PMEL: variants seen among roughly 807,000 people sequenced by gnomAD.
PMEL encodes premelanosome protein, also known as melanocyte protein PMEL.
A neutral mutation model predicts 64.9 loss-of-function variants in PMEL; 53 were observed. The ratio of observed to expected loss-of-function variants is 0.82; its 90% CI spans 0.66 to 1.03. PMEL has a LOEUF of 1.03. Ranked by LOEUF, PMEL falls within the 50% of genes least tolerant of loss-of-function variation. The pLI is 0.00. For missense variants in PMEL, 716 were observed against 814.9 expected (o/e 0.88, Z 1.48); for synonymous variants, 299 against 316.2 (o/e 0.95, Z 0.58).
intron 1 of PMEL, among the ~76,000 whole-genome samples, chr12:55,964,263 C>A (rs913488077): frequency 2.6e-5 from 4 of 151,582 alleles, no homozygotes; most frequent in Non-Finnish European, 5.9e-5. Flanking sequence ...CGGGTTCAAG[C>A]GATTCTCCTG....
intron 7 of PMEL, 61 bp from the exon 8 acceptor site, chr12:55,955,924 A>G: frequency 6.9e-7 from 1 of 1,445,902 alleles, no homozygotes; most frequent in Non-Finnish European, 9.7e-7. Flanking sequence ...AAAAGCCCAG[A>G]GACAGAAAAG....
chr12:55,964,254 G>A (rs1287681021), intron 1 of PMEL, among the ~76,000 whole-genome samples: 2 of 151,056 alleles, frequency 1.3e-5, no homozygotes, highest in Non-Finnish European at 2.9e-5. Flanking sequence ...TCCGCCTCCC[G>A]GGTTCAAGCG....
Position 55,955,559 on chromosome 12 carries a change from T to G in PMEL, c.1667A>C (p.Gln556Pro), listed in dbSNP as rs772472625. The G allele has an allele frequency of 1.3e-5, 21 of 1,614,010 alleles. No individual in the cohort carries two copies. Among genetic ancestry groups the G allele is most frequent in the Non-Finnish European group, 1.7e-5 (20 of 1,180,036 alleles). ...PSPACQLVLHQILKGGSGTYC... is the reference protein window; with the variant it reads ...PSPACQLVLHPILKGGSGTYC... ...TGTCCCCGAGCCACCCTTCAGTATC[T>G]GGTGCAGAACCAGCTGGCAGGCTGG... Residue 556 changes from glutamine (Q) to proline (P), a missense_variant, in exon 9 of 11, where the codon CAG (glutamine) becomes CCG (proline). Physicochemically the swap from Gln to Pro is moderately conservative, Grantham distance 76. Coordinates refer to ENST00000548747, the MANE Select transcript of PMEL (RefSeq NM_001384361.1).
Position 55,961,717 on chromosome 12 carries a change from T to A in PMEL, c.92A>T (p.Asp31Val). The A allele has an allele frequency of 6.2e-7, 1 of 1,613,660 alleles. No homozygotes were observed. The highest frequency in any genetic ancestry group is 8.5e-7 in the Non-Finnish European group (1 of 1,179,552). ...GAGTTGCCTTGAGACACCAAGCCAG[T>A]CCTGGTTTCTGGGTACTAAAAGGAA... ...VGATKVPRNQ[D>V]WLGVSRQLRT... is the part of the protein sequence containing the mutation. The change falls in exon 2 of 11, where the codon GAC becomes GTC. Residue 31 changes from aspartate to valine, a missense_variant. Transcript: ENST00000548747.
Position 55,955,561 on chromosome 12 carries a change from G to A in PMEL, c.1665C>T (p.His555=), listed in dbSNP as rs773615814. The change falls in exon 9 of 11, where the codon CAC becomes CAT. Residue 555 remains histidine, a synonymous_variant. Coordinates refer to ENST00000548747, the MANE Select transcript of PMEL (RefSeq NM_001384361.1). The stretch of plus-strand genomic sequence containing the variant: ...TCCCCGAGCCACCCTTCAGTATCTG[G>A]TGCAGAACCAGCTGGCAGGCTGGGC... ...LPSPACQLVL[H]QILKGGSGTY... The A allele has an allele frequency of 1.8e-5, 29 of 1,613,978 alleles. No individual in the cohort carries two copies. The highest frequency in any genetic ancestry group is 2.2e-5 in the Non-Finnish European group (26 of 1,180,026).
chr12:55,965,864 A>G (rs1889279715), intron 1 of PMEL, 72 bp downstream of exon 1: 1 of 1,580,098 alleles, frequency 6.3e-7, no homozygotes, highest in Non-Finnish European at 8.7e-7. Context: ...TCCCATTAGG[A>G]GGACAGAAAC....
At chr12:55,966,065 A>G (rs1179163496), upstream of PMEL, 4 of 1,613,632 alleles carry the variant, frequency 2.5e-6, no homozygotes, top group Non-Finnish European at 3.4e-6. Flanking sequence ...ATAGGCCCCT[A>G]TATAAGAAAA....
Position 55,955,680 on chromosome 12 carries a change from T to C in PMEL, c.1557-11A>G, listed in dbSNP as rs1592765159. ...GCTTCCTTGGGCAGCCTGGAAGAAG[T>C]GTCAGCATATATAAGGGGATCTGGG... On this transcript the variant is annotated splice_polypyrimidine_tract_variant and intron_variant, in intron 8 of 10. Coordinates refer to ENST00000548747, the MANE Select transcript of PMEL (RefSeq NM_001384361.1). The C allele has an allele frequency of 2.5e-6, 4 of 1,612,138 alleles. No individual in the cohort carries two copies. The highest frequency in any genetic ancestry group is 2.5e-6 in the Non-Finnish European group (3 of 1,178,752).
chr12:55,956,098 C>T lies in PMEL; in HGVS notation c.1471+5G>A, dbSNP rs1173828405. 12 of 1,598,832 alleles carry T rather than the reference C, an allele frequency of 7.5e-6. No homozygotes were observed. The highest frequency in any genetic ancestry group is 1.3e-5 in the African/African-American group (1 of 74,734). On this transcript the variant is annotated splice_donor_5th_base_variant and intron_variant, in intron 7 of 10. Coordinates refer to ENST00000548747, the MANE Select transcript of PMEL (RefSeq NM_001384361.1). ...CCATCAGCCACCAAAGTAGGCAAGA[C>T]TCACGGACAATGTCCAGGGTGACGG...
At chr12:55,962,448 CA>C (rs1197796228) in intron 1 of PMEL, among the ~76,000 whole-genome samples, 7,153 of 37,736 alleles carry the variant, frequency 0.19, 21 homozygotes, top group African/African-American at 0.23. Flanking sequence ...GACTCCATCT[CA>C]AAAAAAAAAA....
At chr12:55,963,138 C>T (rs112995459) in intron 1 of PMEL, among the ~76,000 whole-genome samples, 5,787 of 149,888 alleles carry the variant, frequency 0.039, 351 homozygotes, top group African/African-American at 0.13. Context: ...GCCTGGGCTA[C>T]AGAGCAAGAC....
intron 7 of PMEL, 71 bp downstream of exon 7, chr12:55,956,032 T>C: frequency 8.5e-7 from 1 of 1,173,336 alleles, no homozygotes. Flanking sequence ...CCTCCCAAGG[T>C]GTGCTTCCAC....
intron 1 of PMEL, among the ~76,000 whole-genome samples, chr12:55,964,126 G>A (rs1258542452): frequency 6.6e-6 from 1 of 151,656 alleles, no homozygotes; most frequent in South Asian, 2.1e-4. Context: ...AGGACCACAG[G>A]TGCTCACCAC....
chr12:55,955,026 A>G (rs1888800749), intron 10 of PMEL, among the ~76,000 whole-genome samples: 1 of 152,158 alleles, frequency 6.6e-6, no homozygotes, highest in Non-Finnish European at 1.5e-5. Context: ...CATTGTTTCT[A>G]ATCTTTACAA....
intron 3 of PMEL, among the ~76,000 whole-genome samples, chr12:55,960,537 G>GTTTTTTTTTTTTTTTT (rs760692409): frequency 5.1e-5 from 5 of 97,296 alleles, no homozygotes; most frequent in African/African-American, 2.3e-4. Context: ...TTTGCTTTCT[G>GTTTTTTTTTTTTTTTT]TTTTTTTTTT....
At chr12:55,964,928 CTTT>C (rs545848638) in intron 1 of PMEL, among the ~76,000 whole-genome samples, 6 of 123,750 alleles carry the variant, frequency 4.8e-5, no homozygotes, top group African/African-American at 6.1e-5. Flanking sequence ...CATCCCCTTT[CTTT>C]TTTTTTTTTT....
rs980904772 is a variant in PMEL at position 55,957,485 on chromosome 12, G to A, written c.818C>T (p.Ala273Val). 1.7e-5 allele frequency: 28 copies of A among 1,613,926 alleles called. No homozygotes were observed. Among genetic ancestry groups the A allele is most frequent in the Non-Finnish European group, 2.3e-5 (27 of 1,180,012 alleles). The change falls in exon 6 of 11, where the codon GCA becomes GTA. Residue 273 changes from alanine (A) to valine (V), a missense_variant. Coordinates refer to ENST00000548747, the MANE Select transcript of PMEL (RefSeq NM_001384361.1). ...GDSSGTLISR[A>V]LVVTHTYLEP... ...CAGGTAAGTATGAGTGACCACAAGT[G>A]CCCGAGAGATCAGGGTTCCACTACT...
At chr12:55,965,817 C>G (rs1889277314) in intron 1 of PMEL, 119 bp downstream of exon 1, 1 of 1,273,196 alleles carries the variant, frequency 7.9e-7, no homozygotes. Context: ...CTCACTAAAT[C>G]AAATGAGTGG....
At position 55,954,303 on chromosome 12, in the gene PMEL, T is replaced by C. The variant is rs1888740557; in HGVS notation, c.1897A>G (p.Ser633Gly). Residue 633 changes from serine (S) to glycine (G), a missense_variant, in exon 11 of 11, where the codon AGC becomes GGC. Ser to Gly is a moderately conservative substitution (Grantham distance 56). Coordinates refer to ENST00000548747, the MANE Select transcript of PMEL (RefSeq NM_001384361.1). ...GGTAGACGCAGCCAGTGACTGCTGC[T>C]ATGTGGCAACTGGGGTACGGAGAAG... ...QDFSVPQLPHSSSHWLRLPRI... is the reference protein window; with the variant it reads ...QDFSVPQLPHGSSHWLRLPRI... 2 of 1,613,902 alleles carry C rather than the reference T, an allele frequency of 1.2e-6. No individual in the cohort carries two copies. Among genetic ancestry groups the C allele is most frequent in the Non-Finnish European group, 1.7e-6 (2 of 1,179,912 alleles).
Sources: gnomAD v4.1 joint callset for allele counts (sites outside exome capture counted in the v4.1 genomes callset) on GRCh38, gnomAD v4.1.1 for gene constraint, MANE v1.5 for transcripts, NCBI Gene and HGNC (gene_info 2026-07-23, HGNC 2026-07-21) for gene names.